Variants in FRY observed in about 807,000 individuals in gnomAD.
The protein encoded by FRY is protein furry homolog.
Under a neutral mutation model 348.4 loss-of-function variants are expected in FRY, and 128 were observed. That is an observed-to-expected ratio of 0.37 (90% confidence interval 0.32 to 0.43). The LOEUF is 0.43. Among genes scored for constraint, FRY ranks in the 20% least tolerant of loss-of-function variants. The pLI, the probability that FRY is intolerant of heterozygous loss-of-function variation, is 1.00. For missense variants in FRY, 2,736 were observed against 3,695.2 expected, an observed-to-expected ratio of 0.74 and a Z score of 6.73; for synonymous variants, 1,370 against 1,374.7, an observed-to-expected ratio of 1.00 and a Z score of 0.08.
chr13:32,181,325 T>G (rs1566115368), intron 23 of FRY, among the ~76,000 whole-genome samples: 1 of 151,882 alleles, frequency 6.6e-6, no homozygotes, highest in Non-Finnish European at 1.5e-5. Flanking sequence ...ACGGGTGCAG[T>G]GGCTCATGCT....
chr13:32,131,161 CATT>C (rs1879336775), intron 7 of FRY, among the ~76,000 whole-genome samples: 2 of 152,192 alleles, frequency 1.3e-5, no homozygotes, highest in South Asian at 4.1e-4. Flanking sequence ...TTTCAATAAT[CATT>C]ATCCTACAAC....
chr13:32,207,292 A>G (rs981776699), intron 31 of FRY, among the ~76,000 whole-genome samples: 7 of 152,090 alleles, frequency 4.6e-5, no homozygotes, highest in African/African-American at 1.7e-4. Flanking sequence ...GTGGAGTTTA[A>G]ATAGTTCTCC....
In FRY at chr13:32,224,993, C is replaced by T. The variant is rs1885505841; in HGVS notation, c.4977C>T (p.Asp1659=). Residue 1659 remains aspartate, a synonymous_variant, in exon 38 of 61, where the codon GAC becomes GAT. Coordinates refer to ENST00000542859, the MANE Select transcript of FRY (RefSeq NM_023037.3). The stretch of plus-strand genomic sequence containing the variant: ...TGGTGGATCACAGTGTACGAGAAGA[C>T]TGGGCGCTTCATCTACCATTATTAC... The part of the protein sequence containing the change: ...EMVVDHSVRE[D]WALHLPLLLH... The T allele has an allele frequency of 1.9e-6, 3 of 1,611,678 alleles. No homozygotes were observed. The highest frequency in any genetic ancestry group is 2.2e-5 in the East Asian group (1 of 44,854).
Position 32,210,987 on chromosome 13 carries a change from C to T in FRY, c.4544C>T (p.Pro1515Leu). ...ATCGTCCAGCATTGTGACAACCCGCCCTTCTACCGCTTCACGGCCAGTAGC... is the reference window on the plus strand; with the variant it reads ...ATCGTCCAGCATTGTGACAACCCGCTCTTCTACCGCTTCACGGCCAGTAGC... ...NPIVQHCDNP[P>L]FYRFTASSKA... Residue 1515 changes from proline (P) to leucine (L), a missense_variant, in exon 34 of 61, where the codon CCC (proline) becomes CTC (leucine). Around this residue, in one of 9 missense-constraint regions of FRY, gnomAD observed 794 missense variants for 977.0 expected, o/e 0.81. Transcript: ENST00000542859. The T allele has an allele frequency of 6.2e-7, 1 of 1,614,030 alleles. No individual in the cohort carries two copies. Among genetic ancestry groups the T allele is most frequent in the Non-Finnish European group, 8.5e-7 (1 of 1,179,866 alleles).
intron 3 of FRY, among the ~76,000 whole-genome samples, chr13:32,104,743 A>G (rs1593617004): frequency 6.6e-6 from 1 of 152,276 alleles, no homozygotes; most frequent in East Asian, 1.9e-4. Context: ...ACCCAGTGAG[A>G]GGTAATCAAA....
chr13:32,128,244 A>G (rs959332285), intron 7 of FRY, among the ~76,000 whole-genome samples: 1 of 152,126 alleles, frequency 6.6e-6, no homozygotes, highest in African/African-American at 2.4e-5. Context: ...TCTCTAATTA[A>G]TTACGCAGAT....
At chr13:32,185,884 TAGAC>T (rs1439616048) in intron 26 of FRY, among the ~76,000 whole-genome samples, 1 of 152,200 alleles carries the variant, frequency 6.6e-6, no homozygotes, top group Non-Finnish European at 1.5e-5. Flanking sequence ...GAGTTTGAAA[TAGAC>T]AGTCTATGCT....
At chr13:32,149,915 G>T in intron 14 of FRY, 81 bp downstream of exon 14, 1 of 824,382 alleles carries the variant, frequency 1.2e-6, no homozygotes, top group East Asian at 2.5e-5. Flanking sequence ...TGGAGAATGG[G>T]ATGAGGGATG....
chr13:32,088,842 T>G (rs575811326), intron 2 of FRY, among the ~76,000 whole-genome samples: 2 of 152,190 alleles, frequency 1.3e-5, no homozygotes, highest in Non-Finnish European at 2.9e-5. Flanking sequence ...TTATCGAAGT[T>G]TCCTTTTTTT....
intron 51 of FRY, among the ~76,000 whole-genome samples, chr13:32,255,692 C>A (rs1887294283): frequency 6.6e-6 from 1 of 152,170 alleles, no homozygotes; most frequent in East Asian, 1.9e-4. Context: ...TTTCTGTGAT[C>A]CATAATAAAT....
At chr13:32,235,895 A>G (rs1333712737) in intron 42 of FRY, among the ~76,000 whole-genome samples, 183 bp from the exon 43 acceptor site, 1 of 152,214 alleles carries the variant, frequency 6.6e-6, no homozygotes, top group Non-Finnish European at 1.5e-5. Context: ...ATAAATTTGT[A>G]TGATTATCTG....
chr13:32,267,049 A>G (rs999790282), intron 54 of FRY, 121 bp from the exon 55 acceptor site: 7 of 878,752 alleles, frequency 8.0e-6, no homozygotes, highest in African/African-American at 3.3e-5. Flanking sequence ...AGCAACTTCA[A>G]AAGGAAGAGT....
chr13:32,245,765 C>T (rs1003901807), intron 47 of FRY, among the ~76,000 whole-genome samples: 18 of 152,164 alleles, frequency 1.2e-4, no homozygotes, highest in African/African-American at 9.7e-5. Context: ...AAGTAGAGAG[C>T]GCCTAGCTCA....
At position 32,261,663 on chromosome 13, in the gene FRY, G is replaced by T; in HGVS notation, c.7464G>T (p.Leu2488=). 1 of 1,614,124 alleles carries T rather than the reference G, an allele frequency of 6.2e-7. No individual in the cohort carries two copies. The highest frequency in any genetic ancestry group is 1.1e-5 in the South Asian group (1 of 91,076). Residue 2488 remains leucine (L), a synonymous_variant, in exon 52 of 61, where the codon CTG becomes CTT. Transcript: ENST00000542859. ...NFNWGVRRRS[L]DSLDKCDMQI... The stretch of plus-strand genomic sequence containing the variant: ...ACTGGGGAGTGCGCAGACGTTCTCT[G>T]GACAGCCTGGATAAGTGTGATATGC...
rs150880867 is a variant in FRY at position 32,139,862 on chromosome 13, A to G, written c.1179+2890A>G. Among the ~76,000 whole-genome samples, 351 of 152,316 alleles carry G rather than the reference A, an allele frequency of 2.3e-3. 1 individual carries two copies. The highest frequency in any genetic ancestry group is 8.1e-3 in the African/African-American group (336 of 41,574). On this transcript the variant is annotated intron_variant, in intron 11 of 60. Transcript: ENST00000542859. The stretch of plus-strand genomic sequence containing the variant: ...TGCCATACAACACCTAATTCTGACA[A>G]AAGGAAATATGCTTTGTGAACTTGA...
chr13:32,078,295 G>A (rs1322525016), intron 1 of FRY, among the ~76,000 whole-genome samples: 2 of 152,142 alleles, frequency 1.3e-5, no homozygotes, highest in Non-Finnish European at 2.9e-5. Context: ...CCTGAGCCTC[G>A]TATCTTTCAA....
At chr13:32,048,919 C>T (rs1873171867) in intron 1 of FRY, among the ~76,000 whole-genome samples, 1 of 152,070 alleles carries the variant, frequency 6.6e-6, no homozygotes, top group Admixed American at 6.6e-5. Flanking sequence ...CCCTTCTTAC[C>T]AATTATTAAA....
At chr13:32,220,691 G>A (rs1885266853) in intron 36 of FRY, among the ~76,000 whole-genome samples, 1 of 152,214 alleles carries the variant, frequency 6.6e-6, no homozygotes, top group Non-Finnish European at 1.5e-5. Context: ...CATTTTGGCT[G>A]ATTGGATATA....
At chr13:32,210,649 G>T (rs1884632118) in intron 33 of FRY, among the ~76,000 whole-genome samples, 1 of 152,098 alleles carries the variant, frequency 6.6e-6, no homozygotes, top group South Asian at 2.1e-4. Context: ...ATTAGAAAAG[G>T]TAAGGGCTTT....
Sources: gnomAD v4.1 joint callset for allele counts (sites outside exome capture counted in the v4.1 genomes callset) on GRCh38, gnomAD v4.1.1 for gene constraint, gnomAD v4.1.1 regional missense constraint, MANE v1.5 for transcripts, NCBI Gene and HGNC (gene_info 2026-07-23, HGNC 2026-07-21) for gene names.